Variants in SPRED2 observed in about 807,000 individuals in gnomAD.
SPRED2 encodes sprouty related EVH1 domain containing 2.
In SPRED2, 47 loss-of-function variants were observed where a neutral mutation model predicts 43.0. That is an observed-to-expected ratio of 1.09 (90% CI 0.87 to 1.40). The LOEUF is 1.40. Ranked by LOEUF, SPRED2 falls within the 40% of genes most tolerant of loss-of-function variation. The pLI, the probability that SPRED2 is intolerant of heterozygous loss-of-function variation, is 0.00. For synonymous variants in SPRED2, 225 were observed against 225.7 expected (o/e 1.00, Z 0.03); for missense variants, 561 against 586.4 (o/e 0.96, Z 0.45).
At chr2:65,395,408 C>T (rs899205688) in intron 1 of SPRED2, among the ~76,000 whole-genome samples, 5 of 152,130 alleles carry the variant, frequency 3.3e-5, no homozygotes, top group Admixed American at 1.3e-4. Context: ...CAGTACCCTA[C>T]GCAGTGGAAG....
At chr2:65,411,331 A>C (rs1676153649) in intron 1 of SPRED2, among the ~76,000 whole-genome samples, 1 of 152,196 alleles carries the variant, frequency 6.6e-6, no homozygotes, top group Admixed American at 6.5e-5. Flanking sequence ...TTGCTGTGAT[A>C]TCCCTGCTGC....
chr2:65,341,048 G>A (rs1674163966), intron 2 of SPRED2, among the ~76,000 whole-genome samples: 1 of 149,162 alleles, frequency 6.7e-6, no homozygotes, highest in African/African-American at 2.4e-5. Context: ...AGAAAGGGGC[G>A]GGGTGGTGGG....
intron 1 of SPRED2, chr2:65,380,763 G>C (rs995464627): frequency 1.3e-5 from 2 of 152,162 alleles, no homozygotes; most frequent in Admixed American, 6.5e-5. Flanking sequence ...TCATGGCTTT[G>C]AAAGATATAA....
At chr2:65,329,118 G>A (rs2104192169) in intron 4 of SPRED2, among the ~76,000 whole-genome samples, 1 of 152,344 alleles carries the variant, frequency 6.6e-6, no homozygotes, top group Admixed American at 6.5e-5. Context: ...GGGCTGGGAT[G>A]TCATTAGACA....
At chr2:65,410,204 T>G (rs1030213800) in intron 1 of SPRED2, among the ~76,000 whole-genome samples, 14 of 152,178 alleles carry the variant, frequency 9.2e-5, no homozygotes, top group African/African-American at 3.4e-4. Flanking sequence ...GCCACTGCAC[T>G]GCAGCCTGGA....
intron 4 of SPRED2, among the ~76,000 whole-genome samples, chr2:65,325,328 C>G (rs572385803): frequency 5.3e-5 from 8 of 152,272 alleles, no homozygotes; most frequent in African/African-American, 1.9e-4. Context: ...TTGAATAGGG[C>G]CATAGAAAAC....
At chr2:65,422,532 A>G (rs1676454216) in intron 1 of SPRED2, among the ~76,000 whole-genome samples, 1 of 152,214 alleles carries the variant, frequency 6.6e-6, no homozygotes, top group Non-Finnish European at 1.5e-5. Context: ...TAGGCATTCA[A>G]TGGCTAGTGG....
chr2:65,422,077 A>AACACACACACACACACACACACAC (rs367817858), intron 1 of SPRED2, among the ~76,000 whole-genome samples: 1 of 127,668 alleles, frequency 7.8e-6, no homozygotes, highest in African/African-American at 3.1e-5. Context: ...TTGTATGTAC[A>AACACACACACACACACACACACAC]ACACACACAC....
intron 1 of SPRED2, among the ~76,000 whole-genome samples, chr2:65,399,103 C>T (rs570165397): frequency 5.9e-5 from 9 of 151,810 alleles, no homozygotes; most frequent in African/African-American, 2.2e-4. Context: ...ACGGTGAAAC[C>T]CTGTCTCTCT....
intron 4 of SPRED2, 28 bp downstream of exon 4, chr2:65,331,959 T>C (rs1216050180): frequency 1.3e-6 from 2 of 1,566,734 alleles, no homozygotes; most frequent in Non-Finnish European, 1.7e-6. Flanking sequence ...ACAACTAATC[T>C]GGAAAGCAAA....
At chr2:65,384,668 C>T (rs1045163517) in intron 1 of SPRED2, among the ~76,000 whole-genome samples, 1 of 152,126 alleles carries the variant, frequency 6.6e-6, no homozygotes, top group African/African-American at 2.4e-5. Context: ...GAAAAGCCCT[C>T]CTTACCTCTT....
intron 1 of SPRED2, among the ~76,000 whole-genome samples, chr2:65,411,108 T>C (rs1009318544): frequency 4.6e-5 from 7 of 152,246 alleles, no homozygotes; most frequent in African/African-American, 1.7e-4. Flanking sequence ...CATCATCTGC[T>C]GCAGCAGCTA....
At chr2:65,324,318 A>G (rs1673534231) in intron 4 of SPRED2, among the ~76,000 whole-genome samples, 1 of 152,154 alleles carries the variant, frequency 6.6e-6, no homozygotes, top group Non-Finnish European at 1.5e-5. Flanking sequence ...AAAAATAATA[A>G]TGGACCTTAA....
In SPRED2 at chr2:65,334,705, C is replaced by T. The variant is rs1240858007; in HGVS notation, c.273G>A (p.Trp91Ter). The T allele has an allele frequency of 1.2e-6, 2 of 1,614,110 alleles. No homozygotes were observed. The highest frequency in any genetic ancestry group is 1.7e-5 in the Admixed American group (1 of 60,014). ...YTKANPTFHH[W>*]KVDNRKFGLT... ...GTCCAAACTTCCTATTATCGACCTTCCAGTGATGAAACGTTGGATTGGCTT... is the reference window on the plus strand; with the variant it reads ...GTCCAAACTTCCTATTATCGACCTTTCAGTGATGAAACGTTGGATTGGCTT... Residue 91 changes from tryptophan (W) to a stop codon, truncating the protein, a stop_gained, in exon 3 of 6, where the codon TGG becomes TGA. Transcript: ENST00000356388. LOFTEE classifies it high-confidence loss of function.
chr2:65,314,162 G>C lies in SPRED2; in HGVS notation c.596C>G (p.Pro199Arg). The C allele has an allele frequency of 6.3e-7, 1 of 1,592,508 alleles. No homozygotes were observed. Among genetic ancestry groups the C allele is most frequent in the Non-Finnish European group, 8.6e-7 (1 of 1,163,428 alleles). ...GAAGCTCACCTGGCGGTAGGGCCTT[G>C]GCATCGGCTGTCCCGTAGGAGAGGA... ...TDHYHLDQPM[P>R]RPYRQVSFPD... Residue 199 changes from proline (P) to arginine (R), a missense_variant, in exon 6 of 6, where the codon CCA becomes CGA. Coordinates refer to ENST00000356388, the MANE Select transcript of SPRED2 (RefSeq NM_181784.3).
chr2:65,307,278 C>A (rs1048852253), downstream of SPRED2, among the ~76,000 whole-genome samples: 4 of 152,282 alleles, frequency 2.6e-5, no homozygotes, highest in South Asian at 8.3e-4. Flanking sequence ...TCACTGCAGC[C>A]TTTGCCTCCC....
intron 1 of SPRED2, among the ~76,000 whole-genome samples, chr2:65,360,064 C>CAAAAAAAAAAAAAAAAAAAAAA (rs1243375319): frequency 2.3e-5 from 1 of 43,222 alleles, no homozygotes; most frequent in African/African-American, 7.8e-5. Flanking sequence ...GACTCCATCT[C>CAAAAAAAAAAAAAAAAAAAAAA]AAAAAAAAAA....
chr2:65,326,704 C>T (rs982347070), intron 4 of SPRED2, among the ~76,000 whole-genome samples: 15 of 152,198 alleles, frequency 9.9e-5, no homozygotes, highest in African/African-American at 3.6e-4. Flanking sequence ...TAGGGTCTCA[C>T]TATAGCTCTG....
chr2:65,429,804 C>G (rs7568995), intron 1 of SPRED2, among the ~76,000 whole-genome samples: 1,979 of 152,326 alleles, frequency 0.013, 44 homozygotes, highest in African/African-American at 0.045. Flanking sequence ...GAAACTAGAA[C>G]TCCTCAAATA....
Sources: gnomAD v4.1 joint callset for allele counts (sites outside exome capture counted in the v4.1 genomes callset) on GRCh38, gnomAD v4.1.1 for gene constraint, MANE v1.5 for transcripts, NCBI Gene and HGNC (gene_info 2026-07-23, HGNC 2026-07-21) for gene names.